The following PAX7 variants were observed in gnomAD, a reference collection of about 807,000 sequenced individuals.
The protein encoded by PAX7 is paired box protein Pax-7.
PAX7 carries 18 observed loss-of-function variants against 50.7 expected under a neutral mutation model. The observed-to-expected ratio is 0.36, with a 90% CI of 0.25 to 0.53. The LOEUF (loss-of-function observed/expected upper bound fraction) is 0.53, where lower values mean the gene tolerates loss of function less well. Ranked by LOEUF, PAX7 falls within the 20% of genes least tolerant of loss-of-function variation. PAX7 has a pLI of 0.93. For missense variants in PAX7, 644 were observed against 702.9 expected, an observed-to-expected ratio of 0.92 and a Z score of 0.95; for synonymous variants, 310 against 290.4, an observed-to-expected ratio of 1.07 and a Z score of -0.69.
At chr1:18,697,436 G>C (rs1355072189) in intron 5 of PAX7, among the ~76,000 whole-genome samples, 1 of 152,160 alleles carries the variant, frequency 6.6e-6, no homozygotes, top group Non-Finnish European at 1.5e-5. Context: ...CTTACCTGTG[G>C]CTGGCGCTGT....
intron 4 of PAX7, among the ~76,000 whole-genome samples, chr1:18,678,819 G>A (rs1027860066): frequency 3.9e-5 from 6 of 152,178 alleles, no homozygotes; most frequent in African/African-American, 1.4e-4. Context: ...CGGTATGGAG[G>A]CTGGAAGTGG....
At chr1:18,716,984 C>CG (rs202160613) in intron 7 of PAX7, among the ~76,000 whole-genome samples, 144,452 of 151,000 alleles carry the variant, frequency 0.96, 68,954 homozygotes, top group African/African-American at 0.97. Context: ...GGGGCGGCGG[C>CG]CGGAGCGGGG....
rs975181796 is a variant in PAX7, at chr1:18,632,351, C to T, written c.85+663C>T. ...CGGCGAGGTTTAGAGAACCTCTAAA[C>T]GGCGAGAGGGGCACGGCAATGTCCA... On this transcript the variant is annotated intron_variant, in intron 1 of 8. Transcript: ENST00000420770. This position sits in a 1 kb window ranked among gnomAD's most constrained non-coding sequence, Gnocchi z 6.3. 6.6e-6 allele frequency among the ~76,000 whole-genome samples: 1 copy of T among 152,182 alleles called. No homozygotes were observed. Among genetic ancestry groups the T allele is most frequent in the African/African-American group, 2.4e-5 (1 of 41,454 alleles).
At chr1:18,696,258 G>T (rs1043685967) in intron 5 of PAX7, among the ~76,000 whole-genome samples, 2 of 151,928 alleles carry the variant, frequency 1.3e-5, no homozygotes, top group Non-Finnish European at 2.9e-5. Context: ...ATAGAGACAG[G>T]GTTTTGCCAT....
chr1:18,696,642 G>A (rs955295361), intron 5 of PAX7, among the ~76,000 whole-genome samples: 5 of 152,146 alleles, frequency 3.3e-5, no homozygotes, highest in Admixed American at 3.3e-4. Context: ...AAATAAGCCA[G>A]GCACAGAAAG....
intron 4 of PAX7, among the ~76,000 whole-genome samples, chr1:18,650,324 A>G (rs2088412122): frequency 6.6e-6 from 1 of 152,246 alleles, no homozygotes; most frequent in Non-Finnish European, 1.5e-5. Context: ...GGGCTGGTCA[A>G]GAGACACTGA....
chr1:18,640,452 G>C (rs979740608), intron 4 of PAX7, among the ~76,000 whole-genome samples: 5 of 151,236 alleles, frequency 3.3e-5, no homozygotes, highest in Admixed American at 6.6e-5. Context: ...CATTGTTTAC[G>C]GGATCTTCGA....
At position 18,700,340 on chromosome 1, in the gene PAX7, C is replaced by A. The variant is rs943731715; in HGVS notation, c.787-313C>A. On this transcript the variant is annotated intron_variant, in intron 5 of 8. Coordinates refer to ENST00000420770, the MANE Select transcript of PAX7 (RefSeq NM_001135254.2). The surrounding 1 kb of genome is among the most constrained non-coding windows in gnomAD (Gnocchi z 4.8). ...AGAGGAAAGAGCACTGGCCTGAGAGCCACACAGGACTGGCTGGACCACTGA... is the reference window on the plus strand; with the variant it reads ...AGAGGAAAGAGCACTGGCCTGAGAGACACACAGGACTGGCTGGACCACTGA... Among the ~76,000 whole-genome samples the A allele has an allele frequency of 1.3e-4, 20 of 152,212 alleles. No individual in the cohort carries two copies. The highest frequency in any genetic ancestry group is 4.3e-4 in the African/African-American group (18 of 41,502).
rs190845110 is a variant in PAX7 at position 18,703,316 on chromosome 1, C to T, written c.1155+20C>T. The T allele has an allele frequency of 5.5e-5, 88 of 1,606,316 alleles. No individual in the cohort carries two copies. Among genetic ancestry groups the T allele is most frequent in the Non-Finnish European group, 7.2e-5 (84 of 1,174,814 alleles). ...CCTCAGGTAGGTGGTCTCAGCCCAG[C>T]ACCCAGGATCCCACCGCCACGAAAG... On this transcript the variant is annotated intron_variant, in intron 7 of 8. Transcript: ENST00000420770.
chr1:18,735,599 G>C lies in PAX7; in HGVS notation c.1156-33G>C. 1 of 1,588,232 alleles carries C rather than the reference G, an allele frequency of 6.3e-7. No homozygotes were observed. The highest frequency in any genetic ancestry group is 8.6e-7 in the Non-Finnish European group (1 of 1,163,454). On this transcript the variant is annotated intron_variant, in intron 7 of 8. Transcript: ENST00000420770. This position sits in a 1 kb window ranked among gnomAD's most constrained non-coding sequence, Gnocchi z 4.0. ...TGCTCGTGTCTCTGGGGTCTGTCCG[G>C]TGAGCCTGGCACTAATGGCCTTTTC...
In PAX7 at chr1:18,672,953, A is replaced by G. The variant is rs2088774130; in HGVS notation, c.587-18801A>G. The stretch of plus-strand genomic sequence containing the variant: ...TCTATCGGGGCTATTTAGAGCAAGC[A>G]CAGCACGGCGCTGATGCGGGGAAGA... On this transcript the variant is annotated intron_variant, in intron 4 of 8. Transcript: ENST00000420770. Among the ~76,000 whole-genome samples, 3 of 152,240 alleles carry G rather than the reference A, an allele frequency of 2.0e-5. No homozygotes were observed. The South Asian group carries it at 6.2e-4, about 32-fold the overall frequency.
intron 4 of PAX7, among the ~76,000 whole-genome samples, chr1:18,648,832 G>A (rs907620552): frequency 3.3e-5 from 5 of 152,208 alleles, no homozygotes; most frequent in Admixed American, 6.5e-5. Context: ...ACCGGAAGAT[G>A]TGGAGATACC....
chr1:18,698,005 A>C (rs1267221892), intron 5 of PAX7, among the ~76,000 whole-genome samples: 1 of 152,058 alleles, frequency 6.6e-6, no homozygotes, highest in African/African-American at 2.4e-5. Flanking sequence ...AAAGAAAAGG[A>C]AGGGATTAGA....
rs377722675 is a variant in PAX7, at chr1:18,644,005, G to A, written c.586+7634G>A. On this transcript the variant is annotated intron_variant, in intron 4 of 8. Transcript: ENST00000420770. Reference sequence around the variant, plus strand: ...CAGGCCGGCCCGGGCTTCACTGCCCGGAGAGTGAAGCTCGCCGCCTTCCAA... The same window carrying A: ...CAGGCCGGCCCGGGCTTCACTGCCCAGAGAGTGAAGCTCGCCGCCTTCCAA... Among the ~76,000 whole-genome samples, 20 of 152,376 alleles carry A rather than the reference G, an allele frequency of 1.3e-4. No homozygotes were observed. The East Asian group carries it at 3.3e-3, about 25-fold the overall frequency.
intron 4 of PAX7, among the ~76,000 whole-genome samples, chr1:18,683,271 CAGCTA>C (rs1459770968): frequency 6.6e-6 from 1 of 152,198 alleles, no homozygotes; most frequent in African/African-American, 2.4e-5. Context: ...AATGAGAATG[CAGCTA>C]TGGATACCTT....
At chr1:18,690,720 A>G (rs1252074531) in intron 4 of PAX7, among the ~76,000 whole-genome samples, 1 of 152,198 alleles carries the variant, frequency 6.6e-6, no homozygotes, top group Non-Finnish European at 1.5e-5. Context: ...GGTGGAAATT[A>G]GTGGGGATAA....
In PAX7 at chr1:18,636,409, GT is replaced by G; in HGVS notation, c.586+42del. On this transcript the variant is annotated intron_variant, in intron 4 of 8. Coordinates refer to ENST00000420770, the MANE Select transcript of PAX7 (RefSeq NM_001135254.2). This position sits in a 1 kb window ranked among gnomAD's most constrained non-coding sequence, Gnocchi z 5.1. ...CCTGGGCTGCGAGGCCCCAGCCCGG[GT>G]TTTCCCACGCTCCGGTGTGCGGGCC... is the stretch of plus-strand genomic sequence containing the variant. 6.2e-7 allele frequency: 1 copy of G among 1,603,610 alleles called. No individual in the cohort carries two copies. The highest frequency in any genetic ancestry group is 8.5e-7 in the Non-Finnish European group (1 of 1,173,394).
In PAX7 at chr1:18,729,602, C is replaced by G. The variant is rs894549064; in HGVS notation, c.1156-6030C>G. Among the ~76,000 whole-genome samples the G allele has an allele frequency of 2.0e-5, 3 of 152,224 alleles. No homozygotes were observed. The East Asian group carries it at 5.8e-4, about 29-fold the overall frequency. The stretch of plus-strand genomic sequence containing the variant: ...TGGCGATTGGGACCAGAGATATTTT[C>G]AATGGACTCATCGTCCTGGATTCAG... On this transcript the variant is annotated intron_variant, in intron 7 of 8. Coordinates refer to ENST00000420770, the MANE Select transcript of PAX7 (RefSeq NM_001135254.2).
At chr1:18,653,737 G>A (rs748807125) in intron 4 of PAX7, among the ~76,000 whole-genome samples, 7 of 151,946 alleles carry the variant, frequency 4.6e-5, no homozygotes, top group Admixed American at 2.6e-4. Flanking sequence ...AAGACTTAGA[G>A]AGGCCAAGTC....
Sources: gnomAD v4.1 joint callset for allele counts (sites outside exome capture counted in the v4.1 genomes callset) on GRCh38, gnomAD v4.1.1 for gene constraint, Gnocchi (gnomAD v3.1) non-coding constraint, MANE v1.5 for transcripts, NCBI Gene and HGNC (gene_info 2026-07-23, HGNC 2026-07-21) for gene names.